NLRP8: variants seen among roughly 807,000 people sequenced by gnomAD.
NLRP8 encodes the protein NACHT, LRR and PYD domains-containing protein 8.
In NLRP8, 86 loss-of-function variants were observed where a neutral mutation model predicts 88.7. The observed-to-expected ratio is 0.97, with a 90% CI of 0.81 to 1.16. The LOEUF is 1.16. Ranked by LOEUF, NLRP8 falls within the 50% of genes most tolerant of loss-of-function variation. The pLI is 0.00. For missense variants in NLRP8, 1,342 were observed against 1,286.5 expected, an observed-to-expected ratio of 1.04 and a Z score of -0.66; for synonymous variants, 504 against 494.6, an observed-to-expected ratio of 1.02 and a Z score of -0.25.
intron 8 of NLRP8, among the ~76,000 whole-genome samples, chr19:55,978,933 T>C (rs930240306): frequency 6.7e-6 from 1 of 148,414 alleles, no homozygotes; most frequent in African/African-American, 2.5e-5. Flanking sequence ...CCAAAAAAAA[T>C]TTTTTTTTAA....
chr19:55,973,828 TC>T lies in NLRP8; in HGVS notation c.2705+9del, dbSNP rs1296485247. On this transcript the variant is annotated splice_region_variant and intron_variant, in intron 7 of 9. Coordinates refer to ENST00000291971, the MANE Select transcript of NLRP8 (RefSeq NM_176811.2). ...TGTCCTCTGCAGAGGCTGGTGTAAGTCCCAGAATGTTTTCTTCTCTGAATTC... is the reference window on the plus strand; with the variant it reads ...TGTCCTCTGCAGAGGCTGGTGTAAGTCCAGAATGTTTTCTTCTCTGAATTC... 2.5e-6 allele frequency: 4 copies of T among 1,603,880 alleles called. No individual in the cohort carries two copies. The Admixed American group carries it at 5.1e-5, about 20-fold the overall frequency.
At chr19:55,953,260 G>A (rs962158730) in intron 2 of NLRP8, among the ~76,000 whole-genome samples, 1 of 152,098 alleles carries the variant, frequency 6.6e-6, no homozygotes, top group Non-Finnish European at 1.5e-5. Context: ...CCCTGGATGG[G>A]ACCATCGAGT....
intron 9 of NLRP8, among the ~76,000 whole-genome samples, chr19:55,980,242 C>G (rs958553701): frequency 6.6e-6 from 1 of 152,116 alleles, no homozygotes; most frequent in Non-Finnish European, 1.5e-5. Context: ...GGTGTCTTCT[C>G]CCATGGAGAT....
At chr19:55,979,693 C>T in intron 9 of NLRP8, 129 bp downstream of exon 9, 1 of 971,378 alleles carries the variant, frequency 1.0e-6, no homozygotes, top group Non-Finnish European at 1.5e-6. Context: ...CTGAGACAGG[C>T]AGATCGCTTG....
intron 8 of NLRP8, among the ~76,000 whole-genome samples, chr19:55,979,070 T>C (rs1405504810): frequency 1.3e-5 from 2 of 152,220 alleles, no homozygotes; most frequent in African/African-American, 2.4e-5. Flanking sequence ...GCAAGGATGG[T>C]GTGTGTTGCT....
At chr19:55,960,762 C>G (rs1426936665) in intron 3 of NLRP8, among the ~76,000 whole-genome samples, 1 of 151,974 alleles carries the variant, frequency 6.6e-6, no homozygotes, top group East Asian at 1.9e-4. Context: ...CTAAAAATTG[C>G]TTTTTCATCT....
At chr19:55,979,937 T>C (rs182873952) in intron 9 of NLRP8, among the ~76,000 whole-genome samples, 1 of 152,102 alleles carries the variant, frequency 6.6e-6, no homozygotes, top group East Asian at 1.9e-4. Context: ...GAAAGTGAGA[T>C]TGTGGACCTG....
At chr19:55,987,687 G>C (rs1050085826) in intron 9 of NLRP8, 2 of 672,412 alleles carry the variant, frequency 3.0e-6, no homozygotes, top group Non-Finnish European at 5.4e-6. Flanking sequence ...CAGGACACCT[G>C]GGTAGAAAGG....
intron 5 of NLRP8, 147 bp downstream of exon 5, chr19:55,966,527 G>A: frequency 1.3e-6 from 1 of 776,354 alleles, no homozygotes; most frequent in Non-Finnish European, 2.0e-6. Flanking sequence ...TTTGGGCCGG[G>A]CGCGGTGGCT....
chr19:55,987,265 G>A (rs1046985337), intron 9 of NLRP8, among the ~76,000 whole-genome samples: 1 of 152,224 alleles, frequency 6.6e-6, no homozygotes, highest in Non-Finnish European at 1.5e-5. Context: ...ACCTTCTAGG[G>A]AGGCTGAGAC....
chr19:55,957,678 T>A (rs1215866825), intron 3 of NLRP8, among the ~76,000 whole-genome samples: 2 of 1,180 alleles, frequency 1.7e-3, no homozygotes, highest in African/African-American at 3.6e-3. Context: ...AATAATTATA[T>A]ATATATATAT....
chr19:55,955,888 C>G lies in NLRP8; in HGVS notation c.1830C>G (p.Phe610Leu). 1 of 1,614,162 alleles carries G rather than the reference C, an allele frequency of 6.2e-7. No homozygotes were observed. Among genetic ancestry groups the G allele is most frequent in the Non-Finnish European group, 8.5e-7 (1 of 1,180,004 alleles). The change falls in exon 3 of 10, where the codon TTC (phenylalanine) becomes TTG (leucine). Residue 610 changes from phenylalanine to leucine, a missense_variant. By Grantham distance (22) the Phe-to-Leu change is conservative. Transcript: ENST00000291971. ...CGGGCAGTGGGGTCCCGCAGTTATT[C>G]TACTGTCTGCATGAAATCCGGGAGG...
intron 9 of NLRP8, among the ~76,000 whole-genome samples, chr19:55,981,940 T>C (rs1980592861): frequency 1.3e-5 from 2 of 151,686 alleles, no homozygotes; most frequent in Admixed American, 1.3e-4. Context: ...TCTCACTCTG[T>C]CACCACACTG....
intron 3 of NLRP8, 85 bp downstream of exon 3, chr19:55,956,185 GC>G: frequency 1.4e-5 from 18 of 1,331,868 alleles, no homozygotes; most frequent in Non-Finnish European, 1.3e-5. Flanking sequence ...GGGTCAATCT[GC>G]AAACCTTTCT....
chr19:55,973,131 A>T (rs1980153960), intron 6 of NLRP8, among the ~76,000 whole-genome samples: 1 of 152,062 alleles, frequency 6.6e-6, no homozygotes, highest in African/African-American at 2.4e-5. Flanking sequence ...TTATTGTTTG[A>T]TTATAGCCAT....
At chr19:55,948,518 C>T (rs1478085648) in intron 1 of NLRP8, among the ~76,000 whole-genome samples, 2 of 152,194 alleles carry the variant, frequency 1.3e-5, no homozygotes, top group South Asian at 4.1e-4. Flanking sequence ...TCACTGCAAA[C>T]CCCGCCTCCC....
rs370488796 is a variant in NLRP8 at position 55,964,353 on chromosome 19, C to T, written c.2214-1860C>T. 4.0e-4 allele frequency among the ~76,000 whole-genome samples: 61 copies of T among 152,248 alleles called. 1 individual carries two copies. The South Asian group carries it at 0.012, about 30-fold the overall frequency. ...CTGAAACTAAACTTTAGAGAGGTTA[C>T]GTGATTTGTGAAAGATGGTGCGACT... On this transcript the variant is annotated intron_variant, in intron 4 of 9. Transcript: ENST00000291971.
chr19:55,951,627 T>C (rs908629891), intron 1 of NLRP8, among the ~76,000 whole-genome samples: 1 of 152,248 alleles, frequency 6.6e-6, no homozygotes, highest in Non-Finnish European at 1.5e-5. Flanking sequence ...AACTCCTTCA[T>C]GTAAAATGGC....
intron 9 of NLRP8, among the ~76,000 whole-genome samples, chr19:55,984,558 G>T (rs1156636744): frequency 6.6e-6 from 1 of 150,476 alleles, no homozygotes; most frequent in Non-Finnish European, 1.5e-5. Context: ...TGAGGCTGAG[G>T]CAGGAGAATC....
Sources: allele counts gnomAD v4.1 joint callset (sites outside exome capture counted in the v4.1 genomes callset), GRCh38; gene constraint gnomAD v4.1.1; transcripts MANE v1.5; gene names NCBI Gene and HGNC (gene_info 2026-07-23, HGNC 2026-07-21).